Variants in CDC42 observed in about 807,000 individuals in gnomAD.
The protein encoded by CDC42 is cell division cycle 42, also known as cell division control protein 42 homolog.
In CDC42, 1 loss-of-function variant was observed where a neutral mutation model predicts 20.8. The ratio of observed to expected loss-of-function variants is 0.05; its 90% CI spans 0.02 to 0.23. CDC42 has a LOEUF of 0.23. CDC42 is among the 10% of genes least tolerant of loss of function. CDC42 has a pLI of 1.00. For missense variants in CDC42, 49 were observed against 227.9 expected, an observed-to-expected ratio of 0.21 and a Z score of 5.05; for synonymous variants, 72 against 84.8, an observed-to-expected ratio of 0.85 and a Z score of 0.83.
In CDC42 at chr1:22,096,035, C is replaced by G. The variant is rs1054846354; in HGVS notation, c.*4518C>G. ...AGTGCAGTGGTGGCATCTCCGCTCA[C>G]TGCAACCTCCACCTCCCAGGTTCAC... On this transcript the variant is annotated 3_prime_UTR_variant, in exon 6 of 6. Transcript: ENST00000656825. Among the ~76,000 whole-genome samples, 4 of 152,196 alleles carry G rather than the reference C, an allele frequency of 2.6e-5. No homozygotes were observed. Among genetic ancestry groups the G allele is most frequent in the African/African-American group, 7.2e-5 (3 of 41,522 alleles).
rs962232144 is a variant in CDC42 at position 22,079,923 on chromosome 1, G to GT, written c.105+1341dup. Among the ~76,000 whole-genome samples the GT allele has an allele frequency of 1.3e-3, 202 of 152,314 alleles. 1 individual carries two copies. The highest frequency in any genetic ancestry group is 4.8e-3 in the African/African-American group (198 of 41,556). ...GAAAAGTGATAGAGTGGAAGGAAGA[G>GT]TAGTAGTAGAATAAAATTTTAAATG... On this transcript the variant is annotated intron_variant, in intron 2 of 5. Transcript: ENST00000656825.
intron 1 of CDC42, among the ~76,000 whole-genome samples, chr1:22,075,319 A>T (rs955550847): frequency 5.3e-5 from 8 of 152,220 alleles, no homozygotes; most frequent in Non-Finnish European, 8.8e-5. Flanking sequence ...TTGTAATGGT[A>T]ACTCTACATT....
intron 1 of CDC42, among the ~76,000 whole-genome samples, chr1:22,054,914 TA>T: frequency 5.7e-5 from 1 of 17,474 alleles, no homozygotes; most frequent in Non-Finnish European, 1.3e-4. Flanking sequence ...TATATATATA[TA>T]TATATATTTT....
At position 22,094,210 on chromosome 1, in the gene CDC42, T is replaced by A. The variant is rs896626904; in HGVS notation, c.*2693T>A. On this transcript the variant is annotated 3_prime_UTR_variant, in exon 6 of 6. Transcript: ENST00000656825. ...TTGAAAATAGTCCTTACAGGCTTAG[T>A]TTGTGTCAGAATTTATAGTATTTAA... 6.6e-6 allele frequency among the ~76,000 whole-genome samples: 1 copy of A among 151,690 alleles called. No individual in the cohort carries two copies. Among genetic ancestry groups the A allele is most frequent in the Admixed American group, 6.6e-5 (1 of 15,196 alleles).
rs1464659885 is a variant in CDC42, at chr1:22,093,521, TG to T, written c.*2005del. On this transcript the variant is annotated 3_prime_UTR_variant, in exon 6 of 6. Transcript: ENST00000656825. ...CTTTAGGACATTATACTGATCTGCA[TG>T]AGAATCTTAGAAACTAAGAACCCTT... Among the ~76,000 whole-genome samples, 1 of 152,202 alleles carries T rather than the reference TG, an allele frequency of 6.6e-6. No homozygotes were observed. Among genetic ancestry groups the T allele is most frequent in the East Asian group, 1.9e-4 (1 of 5,206 alleles).
At chr1:22,061,507 A>G (rs1569964154) in intron 1 of CDC42, among the ~76,000 whole-genome samples, 1 of 147,652 alleles carries the variant, frequency 6.8e-6, no homozygotes, top group East Asian at 2.0e-4. Flanking sequence ...TTAGACGGTC[A>G]ATCAGTTTAA....
In CDC42 at chr1:22,100,810, A is replaced by G. The variant is rs1442163565; in HGVS notation, c.*9293A>G. The G allele has an allele frequency of 1.3e-5, 2 of 152,202 alleles. No homozygotes were observed. Among genetic ancestry groups the G allele is most frequent in the African/African-American group, 2.4e-5 (1 of 41,442 alleles). The allele number at this position is 152,202 out of a possible 1,614,324, so 9.4% of individuals were successfully genotyped here. A position where few individuals can be genotyped will look rare whatever the true frequency, so the allele number is the denominator to read the frequency against. ...AACTCTGATAGGGCTGGAAATGTGT[A>G]TGGAGTTCCAGACCCACCATGGGGC... is the stretch of plus-strand genomic sequence containing the variant. On this transcript the variant is annotated 3_prime_UTR_variant, in exon 6 of 6. Transcript: ENST00000656825.
At position 22,092,458 on chromosome 1, in the gene CDC42, A is replaced by G. The variant is rs931011870; in HGVS notation, c.*941A>G. On this transcript the variant is annotated 3_prime_UTR_variant, in exon 6 of 6. Transcript: ENST00000656825. ...TAGCATAGATTTGCAGCTCAGTAGT[A>G]TATGGTGTTCCTAGAATGCAGCTGA... 1.3e-5 allele frequency: 2 copies of G among 152,594 alleles called. No individual in the cohort carries two copies. The highest frequency in any genetic ancestry group is 6.5e-5 in the Admixed American group (1 of 15,274). 9.5% of individuals were successfully genotyped at this position (152,594 alleles called of 1,614,324 possible).
intron 3 of CDC42, among the ~76,000 whole-genome samples, chr1:22,085,352 T>C (rs778310045): frequency 3.9e-5 from 6 of 152,202 alleles, no homozygotes; most frequent in Admixed American, 6.5e-5. Flanking sequence ...GTTTTGATTA[T>C]TGTAGCCTTG....
At position 22,075,843 on chromosome 1, in the gene CDC42, A is replaced by G. The variant is rs145287184; in HGVS notation, c.-50-2586A>G. Among the ~76,000 whole-genome samples the G allele has an allele frequency of 2.0e-5, 3 of 152,348 alleles. No homozygotes were observed. The East Asian group carries it at 5.8e-4, about 29-fold the overall frequency. ...AGAACCCAGGCTTAACAGGGGACTC[A>G]CAACCAACCAGTTTGTAACAAATTG... On this transcript the variant is annotated intron_variant, in intron 1 of 5. Transcript: ENST00000656825.
rs577609539 is a variant in CDC42, at chr1:22,094,583, C to T, written c.*3066C>T. Among the ~76,000 whole-genome samples the T allele has an allele frequency of 4.8e-4, 71 of 148,764 alleles. 2 individuals are homozygous for T. Among genetic ancestry groups the T allele is most frequent in the African/African-American group, 1.8e-3 (69 of 38,334 alleles). Reference sequence around the variant, plus strand: ...AAGTGCTGGGATTACAGGCGTGAGCCACCGCGCCCGGCCAGAAATAGATTT... The same window carrying T: ...AAGTGCTGGGATTACAGGCGTGAGCTACCGCGCCCGGCCAGAAATAGATTT... On this transcript the variant is annotated 3_prime_UTR_variant, in exon 6 of 6. Transcript: ENST00000656825.
rs1464451956 is a variant in CDC42, at chr1:22,095,844, A to G, written c.*4327A>G. Among the ~76,000 whole-genome samples, 1 of 152,120 alleles carries G rather than the reference A, an allele frequency of 6.6e-6. No individual in the cohort carries two copies. Among genetic ancestry groups the G allele is most frequent in the African/African-American group, 2.4e-5 (1 of 41,372 alleles). ...GTGTGGACTTGCTTATGGTGGGCCA[A>G]AGAGGGGCAAGGGAAAGCGCATTTA... On this transcript the variant is annotated 3_prime_UTR_variant, in exon 6 of 6. Transcript: ENST00000656825.
chr1:22,056,994 A>G (rs1645310552), intron 1 of CDC42, among the ~76,000 whole-genome samples: 2 of 152,208 alleles, frequency 1.3e-5, no homozygotes, highest in African/African-American at 4.8e-5. Context: ...TGCCATTTCA[A>G]TTCTGCTGTG....
At chr1:22,089,834 C>T (rs548027732) in intron 5 of CDC42, 75 of 1,085,342 alleles carry the variant, frequency 6.9e-5, no homozygotes, top group Middle Eastern at 6.3e-4. Flanking sequence ...TCTTAAGGCA[C>T]ATTGCTTCTG....
rs185574878 is a variant in CDC42 at position 22,096,040 on chromosome 1, A to G, written c.*4523A>G. Among the ~76,000 whole-genome samples the G allele has an allele frequency of 2.0e-5, 3 of 151,856 alleles. No individual in the cohort carries two copies. Among genetic ancestry groups the G allele is most frequent in the Admixed American group, 2.0e-4 (3 of 15,268 alleles). On this transcript the variant is annotated 3_prime_UTR_variant, in exon 6 of 6. Transcript: ENST00000656825. ...AGTGGTGGCATCTCCGCTCACTGCA[A>G]CCTCCACCTCCCAGGTTCACATGAT...
At chr1:22,081,431 C>G (rs1038610707) in intron 2 of CDC42, among the ~76,000 whole-genome samples, 3 of 152,194 alleles carry the variant, frequency 2.0e-5, no homozygotes, top group Non-Finnish European at 1.5e-5. Context: ...TGAACAGGTT[C>G]ATTTTGTGTA....
chr1:22,096,745 T>A lies in CDC42; in HGVS notation c.*5228T>A, dbSNP rs992135741. 3.9e-5 allele frequency among the ~76,000 whole-genome samples: 6 copies of A among 152,244 alleles called. No individual in the cohort carries two copies. Among genetic ancestry groups the A allele is most frequent in the South Asian group, 4.1e-4 (2 of 4,834 alleles). On this transcript the variant is annotated 3_prime_UTR_variant, in exon 6 of 6. Coordinates refer to ENST00000656825, the MANE Select transcript of CDC42 (RefSeq NM_001791.4). ...GGCCACACAGAGCCTTTGTGCAAAT[T>A]AGAAAAGGCCCTTCCAAAGATACTT...
chr1:22,054,260 G>C (rs1259303303), intron 1 of CDC42, among the ~76,000 whole-genome samples: 2 of 152,040 alleles, frequency 1.3e-5, no homozygotes, highest in African/African-American at 4.8e-5. Context: ...TGCACTCCCA[G>C]GCTGCAGTGC....
chr1:22,063,012 A>G (rs778617423), intron 1 of CDC42, among the ~76,000 whole-genome samples: 6 of 152,062 alleles, frequency 3.9e-5, no homozygotes, highest in Non-Finnish European at 5.9e-5. Context: ...TACAGGCACA[A>G]TATTGATACT....
Sources: allele counts gnomAD v4.1 joint callset (sites outside exome capture counted in the v4.1 genomes callset), GRCh38; gene constraint gnomAD v4.1.1; transcripts MANE v1.5; gene names NCBI Gene and HGNC (gene_info 2026-07-23, HGNC 2026-07-21).